The following SCN3A variants were observed in gnomAD, a reference collection of about 807,000 sequenced individuals.
SCN3A encodes the protein sodium voltage-gated channel alpha subunit 3, also known as sodium channel protein type 3 subunit alpha.
Under a neutral mutation model 187.6 loss-of-function variants are expected in SCN3A, and 60 were observed. That is an observed-to-expected ratio of 0.32 (90% CI 0.26 to 0.40). The LOEUF (loss-of-function observed/expected upper bound fraction) is 0.40, where lower values mean the gene tolerates loss of function less well. Ranked by LOEUF, SCN3A falls within the 10% of genes least tolerant of loss-of-function variation. The probability of loss-of-function intolerance (pLI) is 1.00; values close to 1 mark genes in which losing one functional copy is unlikely to be tolerated. For synonymous variants in SCN3A, 788 were observed against 829.2 expected (o/e 0.95, Z 0.85); for missense variants, 1,601 against 2,428.2 (o/e 0.66, Z 7.16).
intron 19 of SCN3A, 141 bp downstream of exon 19, chr2:165,115,314 A>T: frequency 1.1e-6 from 1 of 912,668 alleles, no homozygotes; most frequent in Non-Finnish European, 1.8e-6. Context: ...CAATCCTCCT[A>T]CCGTAGCCTC....
chr2:165,162,379 T>C lies in SCN3A; in HGVS notation c.968-8A>G. 6.2e-7 allele frequency: 1 copy of C among 1,612,362 alleles called. No individual in the cohort carries two copies. The highest frequency in any genetic ancestry group is 8.5e-7 in the Non-Finnish European group (1 of 1,179,190). ...CCAAAACATAAAAGTGACCTGTTAA[T>C]ACAAAAAAAAACCCATTTTATTTCA... On this transcript the variant is annotated splice_region_variant and splice_polypyrimidine_tract_variant and intron_variant, in intron 8 of 27. Coordinates refer to ENST00000283254, the MANE Select transcript of SCN3A (RefSeq NM_006922.4).
intron 2 of SCN3A, among the ~76,000 whole-genome samples, chr2:165,186,088 G>A (rs1383937202): frequency 1.3e-5 from 2 of 151,990 alleles, no homozygotes; most frequent in East Asian, 1.9e-4. Context: ...TGGCTAACAC[G>A]ATGAAACCTC....
At chr2:165,106,269 T>C (rs1685852554) in intron 21 of SCN3A, among the ~76,000 whole-genome samples, 1 of 152,222 alleles carries the variant, frequency 6.6e-6, no homozygotes, top group Non-Finnish European at 1.5e-5. Context: ...TCTAAGTTTA[T>C]TTCTTTGTCT....
At chr2:165,130,559 T>A in intron 16 of SCN3A, 2 of 459,918 alleles carry the variant, frequency 4.3e-6, no homozygotes, top group Non-Finnish European at 7.7e-6. Context: ...TCCAAAGATA[T>A]GCCCATGTAA....
At chr2:165,162,956 A>G in intron 7 of SCN3A, 128 bp from the exon 8 acceptor site, 1 of 1,114,690 alleles carries the variant, frequency 9.0e-7, no homozygotes, top group Non-Finnish European at 1.4e-6. Flanking sequence ...CTGTATGGAT[A>G]GCCTGATGAT....
In SCN3A at chr2:165,092,410, C is replaced by T. The variant is rs1434967192; in HGVS notation, c.4651G>A (p.Gly1551Ser). 2 of 1,613,896 alleles carry T rather than the reference C, an allele frequency of 1.2e-6. No homozygotes were observed. The highest frequency in any genetic ancestry group is 1.7e-6 in the Non-Finnish European group (2 of 1,179,942). The change falls in exon 27 of 28, where the codon GGC becomes AGC. Residue 1551 changes from glycine (G) to serine (S), a missense_variant. This residue lies in a region of SCN3A where 320 missense variants were observed against 623.2 expected (regional missense o/e 0.51). Coordinates refer to ENST00000283254, the MANE Select transcript of SCN3A (RefSeq NM_006922.4). The surrounding 1 kb of genome is among the most constrained non-coding windows in gnomAD (Gnocchi z 4.2). Reference protein sequence around the residue: ...VTMMVETDDQGKYMTLVLSRI... With the variant: ...VTMMVETDDQSKYMTLVLSRI... ...GACAAAACTAGGGTCATGTATTTGC[C>T]CTGGTCATCCGTTTCCACCATCATG... is the stretch of plus-strand genomic sequence containing the variant.
At chr2:165,173,577 T>C (rs945691294) in intron 3 of SCN3A, among the ~76,000 whole-genome samples, 5 of 152,212 alleles carry the variant, frequency 3.3e-5, no homozygotes, top group African/African-American at 1.2e-4. Flanking sequence ...TTAAAATACA[T>C]TGTGATATTA....
chr2:165,178,071 A>G (rs1225305178), intron 2 of SCN3A, among the ~76,000 whole-genome samples: 1 of 152,126 alleles, frequency 6.6e-6, no homozygotes, highest in Non-Finnish European at 1.5e-5. Context: ...CATATATTTG[A>G]GCTTACAATC....
At chr2:165,143,995 T>C (rs912324217) in intron 12 of SCN3A, among the ~76,000 whole-genome samples, 14 of 152,088 alleles carry the variant, frequency 9.2e-5, no homozygotes, top group African/African-American at 3.4e-4. Flanking sequence ...ACAACTAACA[T>C]TATCTGTTTA....
At chr2:165,166,902 C>CT (rs144536784) in intron 5 of SCN3A, among the ~76,000 whole-genome samples, 9,887 of 147,622 alleles carry the variant, frequency 0.067, 1,036 homozygotes, top group East Asian at 0.47. Flanking sequence ...ATTCAATTGC[C>CT]TTTTTTTTTT....
intron 21 of SCN3A, among the ~76,000 whole-genome samples, chr2:165,112,228 C>G (rs1439992): frequency 6.6e-6 from 1 of 152,214 alleles, no homozygotes; most frequent in Non-Finnish European, 1.5e-5. Context: ...ACAGGCTGCA[C>G]GTCAGATAGA....
intron 1 of SCN3A, among the ~76,000 whole-genome samples, chr2:165,192,400 C>T (rs986044639): frequency 6.6e-6 from 1 of 152,098 alleles, no homozygotes; most frequent in Non-Finnish European, 1.5e-5. Context: ...CTGATTACTT[C>T]ATTTAATATT....
chr2:165,133,755 A>G (rs997787318), intron 15 of SCN3A, among the ~76,000 whole-genome samples: 2 of 151,824 alleles, frequency 1.3e-5, no homozygotes, highest in African/African-American at 4.8e-5. Context: ...AAAACATTTC[A>G]TGGTCTACAT....
chr2:165,162,633 C>T lies in SCN3A; in HGVS notation c.890G>A (p.Gly297Asp), dbSNP rs1229817884. Reference protein sequence around the residue: ...FETNTTSYFNGTMDSNGTFVN... With the variant: ...FETNTTSYFNDTMDSNGTFVN... ...AAATGTCCCATTTGAATCCATTGTG[C>T]CATTAAAGTAGGAAGTGGTGTTGGT... The change falls in exon 8 of 28, where the codon GGC (glycine) becomes GAC (aspartate). Residue 297 changes from glycine (G) to aspartate (D), a missense_variant. By Grantham distance (94) the Gly-to-Asp change is moderately conservative. This residue lies in a region of SCN3A where 104 missense variants were observed against 102.7 expected (regional missense o/e 1.01). Coordinates refer to ENST00000283254, the MANE Select transcript of SCN3A (RefSeq NM_006922.4). 3 of 1,614,084 alleles carry T rather than the reference C, an allele frequency of 1.9e-6. No individual in the cohort carries two copies. Among genetic ancestry groups the T allele is most frequent in the East Asian group, 4.5e-5 (2 of 44,860 alleles).
At chr2:165,119,780 C>T (rs1429060851) in intron 18 of SCN3A, 7 of 151,948 alleles carry the variant, frequency 4.6e-5, no homozygotes, top group African/African-American at 1.7e-4. Context: ...TGTGATACTA[C>T]AATGATATAA....
intron 9 of SCN3A, among the ~76,000 whole-genome samples, 186 bp from the exon 10 acceptor site, chr2:165,156,089 G>A (rs1325899489): frequency 6.6e-6 from 1 of 151,948 alleles, no homozygotes; most frequent in Non-Finnish European, 1.5e-5. Flanking sequence ...TAGGAAGACC[G>A]ATAGAAAATT....
intron 19 of SCN3A, 39 bp from the exon 20 acceptor site, chr2:165,114,009 A>G (rs770300214): frequency 3.8e-6 from 5 of 1,331,266 alleles, no homozygotes; most frequent in Non-Finnish European, 5.2e-6. Context: ...ATATATTTTA[A>G]TCTTAAATAG....
intron 3 of SCN3A, 130 bp downstream of exon 3, chr2:165,176,001 G>C: frequency 1.3e-6 from 1 of 770,472 alleles, no homozygotes; most frequent in Non-Finnish European, 2.0e-6. Flanking sequence ...ATAAAAATAA[G>C]TGACAGTGAA....
chr2:165,132,245 AC>A (rs1687376032), intron 15 of SCN3A, among the ~76,000 whole-genome samples: 1 of 152,206 alleles, frequency 6.6e-6, no homozygotes, highest in South Asian at 2.1e-4. Context: ...CCATCAAGCT[AC>A]CAATGACTTT....
Sources: gnomAD v4.1 joint callset for allele counts (sites outside exome capture counted in the v4.1 genomes callset) on GRCh38, gnomAD v4.1.1 for gene constraint, gnomAD v4.1.1 regional missense constraint, Gnocchi (gnomAD v3.1) non-coding constraint, MANE v1.5 for transcripts, NCBI Gene and HGNC (gene_info 2026-07-23, HGNC 2026-07-21) for gene names.